TFAP2B: variants seen among roughly 807,000 people sequenced by gnomAD.
TFAP2B encodes transcription factor AP-2-beta.
A neutral mutation model predicts 44.3 loss-of-function variants in TFAP2B; 9 were observed. That is an observed-to-expected ratio of 0.20 (90% CI 0.12 to 0.35). The LOEUF is 0.35. TFAP2B is among the 10% of genes least tolerant of loss of function. The probability of loss-of-function intolerance (pLI) is 1.00; values close to 1 mark genes in which losing one functional copy is unlikely to be tolerated. For synonymous variants in TFAP2B, 270 were observed against 263.8 expected (o/e 1.02, Z -0.23); for missense variants, 509 against 600.0 (o/e 0.85, Z 1.59).
chr6:50,834,962 A>C (rs551632766), intron 3 of TFAP2B, among the ~76,000 whole-genome samples: 1 of 152,334 alleles, frequency 6.6e-6, no homozygotes, highest in Admixed American at 6.5e-5. Flanking sequence ...TAAGCAGTGA[A>C]GTCCAAGGGA....
At chr6:50,828,797 T>C in intron 3 of TFAP2B, 118 bp downstream of exon 3, 6 of 1,228,042 alleles carry the variant, frequency 4.9e-6, no homozygotes, top group Non-Finnish European at 7.2e-6. Flanking sequence ...TTGTTCACAA[T>C]TATAGGACAA....
chr6:50,820,399 C>G (rs577730049), intron 1 of TFAP2B, among the ~76,000 whole-genome samples: 9 of 152,238 alleles, frequency 5.9e-5, no homozygotes, highest in East Asian at 1.9e-4. Flanking sequence ...CTGCCCCCCC[C>G]CGAATCCTAA....
At chr6:50,832,408 T>A (rs1291453997) in intron 3 of TFAP2B, among the ~76,000 whole-genome samples, 1 of 152,202 alleles carries the variant, frequency 6.6e-6, no homozygotes, top group African/African-American at 2.4e-5. Context: ...TTGAGTTTTT[T>A]AATATCCCTG....
At chr6:50,830,013 T>C (rs1156773100) in intron 3 of TFAP2B, among the ~76,000 whole-genome samples, 1 of 152,142 alleles carries the variant, frequency 6.6e-6, no homozygotes, top group South Asian at 2.1e-4. Flanking sequence ...AGCTTTTGGG[T>C]TTGCTAGGAT....
At position 50,820,515 on chromosome 6, in the gene TFAP2B, G is replaced by C. The variant is rs539431585; in HGVS notation, c.81+1543G>C. Among the ~76,000 whole-genome samples the C allele has an allele frequency of 7.2e-5, 11 of 152,392 alleles. No individual in the cohort carries two copies. In the South Asian group the frequency reaches 1.7e-3, roughly 23 times the overall value. On this transcript the variant is annotated intron_variant, in intron 1 of 6. Coordinates refer to ENST00000393655, the MANE Select transcript of TFAP2B (RefSeq NM_003221.4). The stretch of plus-strand genomic sequence containing the variant: ...AGCGCGAGAGAGCAGAGAGGAGAGA[G>C]ATTGGTCTTGTTGCTGAATGATGCT...
chr6:50,820,522 CTTG>C (rs1770312937), intron 1 of TFAP2B, among the ~76,000 whole-genome samples: 1 of 152,220 alleles, frequency 6.6e-6, no homozygotes, highest in East Asian at 1.9e-4. Context: ...AGAGATTGGT[CTTG>C]TTGCTGAATG....
At position 50,836,156 on chromosome 6, in the gene TFAP2B, G is replaced by A; in HGVS notation, c.697G>A (p.Val233Ile). 5 of 1,614,060 alleles carry A rather than the reference G, an allele frequency of 3.1e-6. No individual in the cohort carries two copies. The highest frequency in any genetic ancestry group is 4.2e-6 in the Non-Finnish European group (5 of 1,180,022). ...SVNTGEVFCS[V>I]PGRLSLLSST... ...CAACACCGGCGAGGTGTTTTGCTCC[G>A]TCCCAGGCCGTTTGTCTCTGCTCAG... is the stretch of plus-strand genomic sequence containing the variant. The change falls in exon 4 of 7, where the codon GTC (valine) becomes ATC (isoleucine). Residue 233 changes from valine to isoleucine, a missense_variant. Coordinates refer to ENST00000393655, the MANE Select transcript of TFAP2B (RefSeq NM_003221.4).
chr6:50,819,993 A>G (rs890002692), intron 1 of TFAP2B, among the ~76,000 whole-genome samples: 2 of 152,040 alleles, frequency 1.3e-5, no homozygotes, highest in Middle Eastern at 3.4e-3. Context: ...TTGCCAGGGG[A>G]AGGGAGGAAG....
At position 50,823,468 on chromosome 6, in the gene TFAP2B, A is replaced by T; in HGVS notation, c.143A>T (p.Gln48Leu). The T allele has an allele frequency of 6.2e-7, 1 of 1,611,380 alleles. No individual in the cohort carries two copies. ...CTCTCCCAGCTGGGCTCGGTGTCCC[A>T]AGGACCCTACTCGAGCGCCCCGCCG... Reference protein sequence around the residue: ...SRLSQLGSVSQGPYSSAPPLS... With the variant: ...SRLSQLGSVSLGPYSSAPPLS... The change falls in exon 2 of 7, where the codon CAA becomes CTA. Residue 48 changes from glutamine to leucine, a missense_variant. Gln to Leu is a moderately radical substitution (Grantham distance 113, BLOSUM62 -2). Around this residue, in one of 3 missense-constraint regions of TFAP2B, gnomAD observed 296 missense variants for 308.2 expected, o/e 0.96. Coordinates refer to ENST00000393655, the MANE Select transcript of TFAP2B (RefSeq NM_003221.4).
chr6:50,828,697 C>G lies in TFAP2B; in HGVS notation c.601+18C>G. The stretch of plus-strand genomic sequence containing the variant: ...TAAAAAAGGTATGGATAATTCCCCC[C>G]AAAAAGTAAGCAAAGTTCTCTCATG... On this transcript the variant is annotated intron_variant, in intron 3 of 6. Transcript: ENST00000393655. The G allele has an allele frequency of 3.7e-6, 6 of 1,613,756 alleles. No individual in the cohort carries two copies. The highest frequency in any genetic ancestry group is 5.1e-6 in the Non-Finnish European group (6 of 1,179,788).
At chr6:50,840,953 A>C (rs1256632946) in intron 6 of TFAP2B, among the ~76,000 whole-genome samples, 1 of 152,370 alleles carries the variant, frequency 6.6e-6, no homozygotes, top group East Asian at 1.9e-4. Flanking sequence ...GTGCGCCCGC[A>C]CGTTTCTCTT....
chr6:50,823,354 T>C (rs2113928906), intron 1 of TFAP2B, 53 bp from the exon 2 acceptor site: 1 of 1,460,204 alleles, frequency 6.8e-7, no homozygotes, highest in Non-Finnish European at 9.4e-7. Flanking sequence ...CCTCTATCTC[T>C]CTTTCTCTGT....
intron 4 of TFAP2B, among the ~76,000 whole-genome samples, chr6:50,837,143 A>G (rs1762639504): frequency 6.6e-6 from 1 of 152,218 alleles, no homozygotes; most frequent in African/African-American, 2.4e-5. Flanking sequence ...TGACTGTATG[A>G]ATAGTACAGC....
rs891431854 is a variant in TFAP2B at position 50,818,972 on chromosome 6, G to A, written c.81G>A (p.Glu27=). The A allele has an allele frequency of 1.9e-6, 3 of 1,613,874 alleles. No individual in the cohort carries two copies. The highest frequency in any genetic ancestry group is 2.7e-5 in the African/African-American group (2 of 74,890). ...VENVKYEDIY[E]DRHDGVPSHS... ...ATGTCAAGTACGAAGATATCTATGAGGTGAGTCGACACCCCCAGATGCACC... is the reference window on the plus strand; with the variant it reads ...ATGTCAAGTACGAAGATATCTATGAAGTGAGTCGACACCCCCAGATGCACC... Residue 27 remains glutamate, a splice_region_variant and synonymous_variant, in exon 1 of 7, where the codon GAG becomes GAA. Transcript: ENST00000393655.
chr6:50,841,615 G>A (rs1762734266), intron 6 of TFAP2B, among the ~76,000 whole-genome samples: 1 of 152,162 alleles, frequency 6.6e-6, no homozygotes, highest in African/African-American at 2.4e-5. Flanking sequence ...TCTGAACCTA[G>A]GGTATCAGAA....
At chr6:50,821,416 T>A (rs1770341963) in intron 1 of TFAP2B, among the ~76,000 whole-genome samples, 1 of 152,212 alleles carries the variant, frequency 6.6e-6, no homozygotes, top group Non-Finnish European at 1.5e-5. Flanking sequence ...TTTGTTTTTG[T>A]AATCCTCACA....
intron 6 of TFAP2B, 39 bp from the exon 7 acceptor site, chr6:50,843,053 C>G (rs990904520): frequency 3.7e-6 from 6 of 1,613,348 alleles, no homozygotes; most frequent in African/African-American, 1.3e-5. Context: ...GACAACGACA[C>G]TGAGGGTGAT....
rs1311158442 is a variant in TFAP2B, at chr6:50,843,180, A to G, written c.1171A>G (p.Ile391Val). 2 of 1,614,208 alleles carry G rather than the reference A, an allele frequency of 1.2e-6. No homozygotes were observed. Among genetic ancestry groups the G allele is most frequent in the Middle Eastern group, 1.6e-4 (1 of 6,062 alleles). ...SRPSPILEPG[I>V]QSCLTHFSLI... is the part of the protein sequence containing the mutation. Reference sequence around the variant, plus strand: ...ACCCAGCCCCATCCTGGAGCCGGGGATCCAGAGCTGCCTCACGCACTTCAG... The same window carrying G: ...ACCCAGCCCCATCCTGGAGCCGGGGGTCCAGAGCTGCCTCACGCACTTCAG... Residue 391 changes from isoleucine to valine, a missense_variant, in exon 7 of 7, where the codon ATC (isoleucine) becomes GTC (valine). Physicochemically the swap from Ile to Val is conservative, Grantham distance 29 (BLOSUM62 3). Coordinates refer to ENST00000393655, the MANE Select transcript of TFAP2B (RefSeq NM_003221.4).
intron 3 of TFAP2B, 110 bp from the exon 4 acceptor site, chr6:50,835,951 G>T: frequency 1.1e-6 from 1 of 909,190 alleles, no homozygotes; most frequent in South Asian, 1.3e-5. Flanking sequence ...TCCTCCCTCA[G>T]CTTTCCACTT....
Sources: gnomAD v4.1 joint callset for allele counts (sites outside exome capture counted in the v4.1 genomes callset) on GRCh38, gnomAD v4.1.1 for gene constraint, gnomAD v4.1.1 regional missense constraint, MANE v1.5 for transcripts, NCBI Gene and HGNC (gene_info 2026-07-23, HGNC 2026-07-21) for gene names.